Variants in PPP2R5C observed in about 807,000 individuals in gnomAD.
PPP2R5C encodes the protein protein phosphatase 2 regulatory subunit B'gamma.
PPP2R5C carries 7 observed loss-of-function variants against 68.9 expected under a neutral mutation model. The ratio of observed to expected loss-of-function variants is 0.10; its 90% CI spans 0.06 to 0.19. The LOEUF (loss-of-function observed/expected upper bound fraction) is 0.19. PPP2R5C is among the 10% of genes least tolerant of loss of function. PPP2R5C has a pLI of 1.00. For missense variants in PPP2R5C, 348 were observed against 641.3 expected, an observed-to-expected ratio of 0.54 and a Z score of 4.94; for synonymous variants, 210 against 222.2, an observed-to-expected ratio of 0.95 and a Z score of 0.49.
rs538005431 is a variant in PPP2R5C at position 101,866,440 on chromosome 14, C to T, written c.294+9555C>T. Reference sequence around the variant, plus strand: ...TCCACACCACAGATTGATTTGGTTCCATTTTATCGATAGATTTTTAAAATA... The same window carrying T: ...TCCACACCACAGATTGATTTGGTTCTATTTTATCGATAGATTTTTAAAATA... On this transcript the variant is annotated intron_variant, in intron 2 of 13. Coordinates refer to ENST00000334743, the Ensembl canonical transcript of PPP2R5C. Among the ~76,000 whole-genome samples, 6 of 152,282 alleles carry T rather than the reference C, an allele frequency of 3.9e-5. No homozygotes were observed. In the South Asian group the frequency reaches 8.3e-4, roughly 21 times the overall value.
intron 1 of PPP2R5C, chr14:101,820,426 T>C (rs1026201390): frequency 6.6e-6 from 1 of 152,198 alleles, no homozygotes; most frequent in Non-Finnish European, 1.5e-5. Flanking sequence ...CGAACGATGC[T>C]ACAAACAAGC....
intron 2 of PPP2R5C, among the ~76,000 whole-genome samples, chr14:101,764,004 TGTG>T (rs2036708349): frequency 8.8e-6 from 1 of 114,226 alleles, no homozygotes; most frequent in South Asian, 2.6e-4. Context: ...TTGTTCACAT[TGTG>T]TGTGTGTGTG....
At chr14:101,769,483 G>A (rs1285151603) in intron 2 of PPP2R5C, among the ~76,000 whole-genome samples, 2 of 152,132 alleles carry the variant, frequency 1.3e-5, no homozygotes, top group Non-Finnish European at 2.9e-5. Flanking sequence ...TTCTGATACT[G>A]TAAATTAGCA....
At chr14:101,829,654 C>T (rs2040615133) in intron 1 of PPP2R5C, among the ~76,000 whole-genome samples, 1 of 152,146 alleles carries the variant, frequency 6.6e-6, no homozygotes, top group South Asian at 2.1e-4. Flanking sequence ...CTTAACCTTG[C>T]CTCTGTGTTT....
intron 2 of PPP2R5C, among the ~76,000 whole-genome samples, chr14:101,778,222 T>C (rs1265007210): frequency 1.3e-5 from 2 of 152,256 alleles, no homozygotes; most frequent in East Asian, 3.8e-4. Context: ...ATATCTTTTT[T>C]GGTGAAATGC....
At chr14:101,893,979 G>C (rs1242672815) in intron 7 of PPP2R5C, among the ~76,000 whole-genome samples, 1 of 152,248 alleles carries the variant, frequency 6.6e-6, no homozygotes, top group African/African-American at 2.4e-5. Context: ...GGTGCACAAG[G>C]CTCCTCTCTG....
chr14:101,775,062 G>T (rs554739661), intron 2 of PPP2R5C, among the ~76,000 whole-genome samples: 1 of 152,316 alleles, frequency 6.6e-6, no homozygotes, highest in Non-Finnish European at 1.5e-5. Flanking sequence ...AATCCAAATC[G>T]GGTTCAGCAC....
intron 9 of PPP2R5C, among the ~76,000 whole-genome samples, chr14:101,903,258 G>C (rs1429880235): frequency 6.6e-6 from 1 of 152,190 alleles, no homozygotes; most frequent in African/African-American, 2.4e-5. Flanking sequence ...TATGGGTAAC[G>C]TTAGACCTTC....
chr14:101,901,923 T>G (rs755435032), intron 9 of PPP2R5C, 34 bp downstream of exon 11: 1 of 1,595,422 alleles, frequency 6.3e-7, no homozygotes, highest in Non-Finnish European at 8.6e-7. Context: ...ATTAAATTCT[T>G]CCAGTGTTCA....
At chr14:101,832,925 C>T (rs532202196) in intron 1 of PPP2R5C, among the ~76,000 whole-genome samples, 13 of 152,276 alleles carry the variant, frequency 8.5e-5, no homozygotes, top group African/African-American at 2.6e-4. Context: ...AGTGGCTGTT[C>T]TTCATTTGGA....
chr14:101,823,464 G>T (rs61994048), intron 1 of PPP2R5C, among the ~76,000 whole-genome samples: 432 of 152,216 alleles, frequency 2.8e-3, no homozygotes, highest in Non-Finnish European at 4.9e-3. Context: ...GGAGTAATTC[G>T]GTACCCTCTC....
At chr14:101,826,679 AT>A (rs2040418720) in intron 1 of PPP2R5C, among the ~76,000 whole-genome samples, 1 of 152,100 alleles carries the variant, frequency 6.6e-6, no homozygotes, top group South Asian at 2.1e-4. Context: ...TTCCATATGA[AT>A]TTTAGGATCA....
chr14:101,925,451 C>T, exon 14 of PPP2R5C: 2 of 1,131,918 alleles, frequency 1.8e-6, no homozygotes, highest in Non-Finnish European at 2.4e-6. Flanking sequence ...TGGTGACTTC[C>T]CAGAGCCCGC....
intron 2 of PPP2R5C, among the ~76,000 whole-genome samples, chr14:101,859,564 G>T (rs186748624): frequency 1.8e-3 from 281 of 152,328 alleles, no homozygotes; most frequent in African/African-American, 6.5e-3. Context: ...TGGATTTTTG[G>T]TTTTGTTGTT....
At position 101,913,674 on chromosome 14, in the gene PPP2R5C, C is replaced by T. The variant is rs1330719267; in HGVS notation, c.1326+1201C>T. ...TTATGTTGAAAGTGTGGTTAAAATA[C>T]TGATATTTGTTTTAAAACATGGTAA... On this transcript the variant is annotated intron_variant, in intron 12 of 13. Coordinates refer to ENST00000334743, the Ensembl canonical transcript of PPP2R5C. The surrounding 1 kb of genome is among the most constrained non-coding windows in gnomAD (Gnocchi z 4.1). Among the ~76,000 whole-genome samples, 1 of 152,172 alleles carries T rather than the reference C, an allele frequency of 6.6e-6. No individual in the cohort carries two copies. The highest frequency in any genetic ancestry group is 1.5e-5 in the Non-Finnish European group (1 of 68,038).
In PPP2R5C at chr14:101,781,566, G is replaced by A. The variant is rs891833780; in HGVS notation, c.94-4452G>A. Among the ~76,000 whole-genome samples the A allele has an allele frequency of 6.9e-6, 1 of 144,240 alleles. No individual in the cohort carries two copies. The highest frequency in any genetic ancestry group is 6.9e-5 in the Admixed American group (1 of 14,410). 94.6% of individuals were successfully genotyped at this position (144,240 alleles called of 152,430 possible). A position where few individuals can be genotyped will look rare whatever the true frequency, so the allele number is the denominator to read the frequency against. On this transcript the variant is annotated intron_variant, in intron 2 of 14. Coordinates refer to the PPP2R5C transcript ENST00000328724. The surrounding 1 kb of genome is among the most constrained non-coding windows in gnomAD (Gnocchi z 6.4). ...TGACGCACCCCTCTGCCCCAACCAC[G>A]TTTTCTCAAGAGTGTTGTCTGTCCC... is the stretch of plus-strand genomic sequence containing the variant.
At chr14:101,784,806 A>G (rs1029902567) in intron 2 of PPP2R5C, among the ~76,000 whole-genome samples, 6 of 152,218 alleles carry the variant, frequency 3.9e-5, no homozygotes, top group Admixed American at 6.5e-5. Context: ...TTGACGGTGG[A>G]CACAGCAGCT....
At chr14:101,857,565 G>A (rs2042497322) in intron 2 of PPP2R5C, among the ~76,000 whole-genome samples, 1 of 152,232 alleles carries the variant, frequency 6.6e-6, no homozygotes, top group African/African-American at 2.4e-5. Flanking sequence ...TTAGTTCACT[G>A]TTGGTTTTAT....
chr14:101,870,774 G>C (rs2043356775), intron 2 of PPP2R5C, among the ~76,000 whole-genome samples: 1 of 152,220 alleles, frequency 6.6e-6, no homozygotes, highest in Non-Finnish European at 1.5e-5. Context: ...TATGTACACA[G>C]CATGTCTCCC....
Sources: gnomAD v4.1 joint callset for allele counts (sites outside exome capture counted in the v4.1 genomes callset) on GRCh38, gnomAD v4.1.1 for gene constraint, Gnocchi (gnomAD v3.1) non-coding constraint, MANE v1.5 for transcripts, NCBI Gene and HGNC (gene_info 2026-07-23, HGNC 2026-07-21) for gene names.